PFKFB3: variants seen among roughly 807,000 people sequenced by gnomAD.
The protein encoded by PFKFB3 is 6-phosphofructo-2-kinase/fructose-2,6-bisphosphatase 3.
Under a neutral mutation model 68.0 loss-of-function variants are expected in PFKFB3, and 33 were observed. The ratio of observed to expected loss-of-function variants is 0.49; its 90% CI spans 0.37 to 0.65. The LOEUF (loss-of-function observed/expected upper bound fraction) is 0.65. PFKFB3 is among the 30% of genes least tolerant of loss of function. PFKFB3 has a pLI of 0.00. For missense variants in PFKFB3, 586 were observed against 712.2 expected (o/e 0.82, Z 2.02); for synonymous variants, 315 against 288.2 (o/e 1.09, Z -0.94).
chr10:6,231,608 C>A (rs976967304), intron 14 of PFKFB3: 1 of 984,252 alleles, frequency 1.0e-6, no homozygotes, highest in East Asian at 1.1e-4. Flanking sequence ...GTGTTGAGGA[C>A]AGGTTGGAGC....
chr10:6,147,974 T>C (rs1203065404), intron 1 of PFKFB3, among the ~76,000 whole-genome samples: 1 of 152,174 alleles, frequency 6.6e-6, no homozygotes. Context: ...GTCCCTCACT[T>C]ATGGGAGGAA....
intron 1 of PFKFB3, among the ~76,000 whole-genome samples, chr10:6,210,352 T>G (rs1345533639): frequency 0.019 from 261 of 13,404 alleles, 21 homozygotes; most frequent in South Asian, 0.026. Context: ...TTTTGTTTTT[T>G]TTTGTTTTTT....
chr10:6,178,980 C>T (rs1012029012), intron 1 of PFKFB3, among the ~76,000 whole-genome samples: 8 of 152,342 alleles, frequency 5.3e-5, no homozygotes, highest in African/African-American at 9.6e-5. Flanking sequence ...ATCTCTGAGG[C>T]GGCTTTCTTA....
intron 14 of PFKFB3, among the ~76,000 whole-genome samples, chr10:6,251,789 T>C (rs1457417481): frequency 6.6e-6 from 1 of 152,012 alleles, no homozygotes; most frequent in Non-Finnish European, 1.5e-5. Flanking sequence ...ACCAACATAG[T>C]GAAACCCCAT....
the PFKFB3 span, among the ~76,000 whole-genome samples, chr10:6,282,421 T>C: frequency 6.6e-6 from 1 of 152,154 alleles, no homozygotes; most frequent in Non-Finnish European, 1.5e-5. Flanking sequence ...GTGTGTCTGT[T>C]GGGAACATGG....
At chr10:6,176,401 C>G (rs1842473395) in intron 1 of PFKFB3, among the ~76,000 whole-genome samples, 1 of 152,122 alleles carries the variant, frequency 6.6e-6, no homozygotes, top group Non-Finnish European at 1.5e-5. Flanking sequence ...TTCTATACTT[C>G]TCATTTACCT....
At chr10:6,232,710 G>A (rs115881856) in intron 14 of PFKFB3, among the ~76,000 whole-genome samples, 185 bp from the exon 15 acceptor site, 9 of 152,128 alleles carry the variant, frequency 5.9e-5, no homozygotes, top group African/African-American at 2.2e-4. Flanking sequence ...CTTGCGTCAT[G>A]TTCTGAGGCC....
intron 1 of PFKFB3, among the ~76,000 whole-genome samples, chr10:6,185,658 G>A: frequency 4.3e-5 from 1 of 23,034 alleles, no homozygotes; most frequent in Admixed American, 3.5e-4. Context: ...TTTTTTTTTT[G>A]AGATGGAGTT....
At chr10:6,319,210 C>T in the PFKFB3 span, among the ~76,000 whole-genome samples, 18 of 152,302 alleles carry the variant, frequency 1.2e-4, no homozygotes, top group East Asian at 3.1e-3. Flanking sequence ...TACCTGCACT[C>T]CTATGTTCAT....
At chr10:6,173,635 CAG>C (rs1304143046) in intron 1 of PFKFB3, among the ~76,000 whole-genome samples, 14 of 151,902 alleles carry the variant, frequency 9.2e-5, no homozygotes, top group Non-Finnish European at 1.5e-5. Context: ...AGGGAATAGA[CAG>C]AGGCAAAGGG....
In PFKFB3 at chr10:6,215,292, A is replaced by G; in HGVS notation, c.274A>G (p.Asn92Asp). 6.2e-7 allele frequency: 1 copy of G among 1,613,920 alleles called. No homozygotes were observed. The highest frequency in any genetic ancestry group is 1.1e-5 in the South Asian group (1 of 91,070). The change falls in exon 3 of 15, where the codon AAT (asparagine) becomes GAT (aspartate). Residue 92 changes from asparagine (N) to aspartate (D), a missense_variant. Asn to Asp is a conservative substitution (Grantham distance 23). Coordinates refer to ENST00000379775, the MANE Select transcript of PFKFB3 (RefSeq NM_004566.4). This position sits in a 1 kb window ranked among gnomAD's most constrained non-coding sequence, Gnocchi z 4.3. Reference sequence around the variant, plus strand: ...CTCCTACAACTTCTTCCGCCCCGACAATGAGGAAGCCATGAAAGTCCGGAA... The same window carrying G: ...CTCCTACAACTTCTTCCGCCCCGACGATGAGGAAGCCATGAAAGTCCGGAA... ...YSSYNFFRPD[N>D]EEAMKVRKQC... is the part of the protein sequence containing the mutation.
intron 1 of PFKFB3, among the ~76,000 whole-genome samples, chr10:6,208,864 T>G (rs529393189): frequency 1.3e-5 from 2 of 152,328 alleles, no homozygotes; most frequent in Admixed American, 6.5e-5. Context: ...ATCCCACGGC[T>G]GAGTGTTCAC....
intron 1 of PFKFB3, among the ~76,000 whole-genome samples, chr10:6,146,829 G>A (rs1437734230): frequency 6.6e-6 from 1 of 152,252 alleles, no homozygotes; most frequent in Non-Finnish European, 1.5e-5. Flanking sequence ...ACCAAGGTAA[G>A]CTTTGGTTTT....
intron 1 of PFKFB3, among the ~76,000 whole-genome samples, chr10:6,210,652 G>A: frequency 0.017 from 1 of 60 alleles, no homozygotes; most frequent in South Asian, 0.25. Flanking sequence ...AATAGACGGG[G>A]TTTCGCCATG....
At chr10:6,318,537 C>T in the PFKFB3 span, among the ~76,000 whole-genome samples, 5 of 152,238 alleles carry the variant, frequency 3.3e-5, no homozygotes, top group Admixed American at 3.3e-4. Flanking sequence ...ACGCCCGAGG[C>T]TGGCCCCACC....
chr10:6,307,333 ACACACAC>A, the PFKFB3 span, among the ~76,000 whole-genome samples: 73,653 of 117,392 alleles, frequency 0.63, 20,068 homozygotes, highest in Non-Finnish European at 0.69. Flanking sequence ...TGCGTACTAC[ACACACAC>A]ACACACACAC....
chr10:6,205,683 A>G (rs1843634937), intron 1 of PFKFB3, among the ~76,000 whole-genome samples: 1 of 151,816 alleles, frequency 6.6e-6, no homozygotes, highest in African/African-American at 2.4e-5. Flanking sequence ...ATGAGCCACC[A>G]CGCCCAGCTG....
At chr10:6,197,922 T>TA (rs777714141), upstream of PFKFB3, 23 of 152,202 alleles carry the variant, frequency 1.5e-4, no homozygotes, top group African/African-American at 5.3e-4. Flanking sequence ...TTCCTTTTCT[T>TA]TTACTTTTTG....
chr10:6,268,666 A>G, the PFKFB3 span, among the ~76,000 whole-genome samples: 18 of 151,390 alleles, frequency 1.2e-4, no homozygotes, highest in African/African-American at 4.4e-4. Flanking sequence ...TATATTTAAT[A>G]AAAAAGACTA....
Sources: allele counts gnomAD v4.1 joint callset (sites outside exome capture counted in the v4.1 genomes callset), GRCh38; gene constraint gnomAD v4.1.1; non-coding constraint Gnocchi (gnomAD v3.1); transcripts MANE v1.5; gene names NCBI Gene and HGNC (gene_info 2026-07-23, HGNC 2026-07-21).